Variants in FGF12 observed in about 807,000 individuals in gnomAD.
The protein encoded by FGF12 is fibroblast growth factor 12B.
FGF12 carries 14 observed loss-of-function variants against 23.6 expected under a neutral mutation model. The ratio of observed to expected loss-of-function variants is 0.59; its 90% confidence interval spans 0.39 to 0.93. The LOEUF is 0.93. Among genes scored for constraint, FGF12 ranks in the 40% least tolerant of loss-of-function variants. The pLI is 0.00. For synonymous variants in FGF12, 62 were observed against 77.3 expected (o/e 0.80, Z 1.04); for missense variants, 175 against 217.8 (o/e 0.80, Z 1.24).
chr3:192,393,621 GA>G (rs922391127), intron 2 of FGF12, among the ~76,000 whole-genome samples: 1 of 150,922 alleles, frequency 6.6e-6, no homozygotes, highest in African/African-American at 2.4e-5. Context: ...AAGAAAATGG[GA>G]AAAAAAAGAA....
chr3:192,586,196 G>A (rs1238685413), intron 2 of FGF12, among the ~76,000 whole-genome samples: 1 of 152,154 alleles, frequency 6.6e-6, no homozygotes, highest in Non-Finnish European at 1.5e-5. Flanking sequence ...ACAAGCATGG[G>A]TAACAAGCAG....
chr3:192,275,072 A>T (rs13321290), intron 4 of FGF12, among the ~76,000 whole-genome samples: 1 of 151,930 alleles, frequency 6.6e-6, no homozygotes, highest in Non-Finnish European at 1.5e-5. Flanking sequence ...TCTTTTGTTC[A>T]GTACCTGGCA....
rs1055211924 is a variant in FGF12 at position 192,675,562 on chromosome 3, A to G, written c.13+51619T>C. ...CCCTGTGTTCATTATCCACCATTTC[A>G]TCTGCTCCATTTTTGTAGCCTAAGA... On this transcript the variant is annotated intron_variant, in intron 2 of 5. Transcript: ENST00000445105. 9.2e-5 allele frequency among the ~76,000 whole-genome samples: 14 copies of G among 152,126 alleles called. 1 individual carries two copies. The highest frequency in any genetic ancestry group is 9.2e-4 in the Admixed American group (14 of 15,280).
At chr3:192,667,030 A>G (rs1257844791) in intron 2 of FGF12, among the ~76,000 whole-genome samples, 1 of 152,212 alleles carries the variant, frequency 6.6e-6, no homozygotes, top group Non-Finnish European at 1.5e-5. Flanking sequence ...GAAAAAAATC[A>G]TGATTCAACA....
At position 192,409,582 on chromosome 3, in the gene FGF12, G is replaced by A. The variant is rs998726591; in HGVS notation, c.14-49044C>T. On this transcript the variant is annotated intron_variant, in intron 2 of 5. Transcript: ENST00000445105. The surrounding 1 kb of genome is among the most constrained non-coding windows in gnomAD (Gnocchi z 4.8). ...CACTCAGTCCCGCGCCGCCCATCCC[G>A]GCCGAGGAAGGAAGTGACCCGCGCG... Among the ~76,000 whole-genome samples the A allele has an allele frequency of 1.3e-5, 2 of 151,960 alleles. No individual in the cohort carries two copies. Among genetic ancestry groups the A allele is most frequent in the African/African-American group, 4.8e-5 (2 of 41,364 alleles).
chr3:192,561,613 C>T (rs9835947), intron 2 of FGF12, among the ~76,000 whole-genome samples: 113,110 of 151,242 alleles, frequency 0.75, 42,973 homozygotes, highest in East Asian at 0.92. Context: ...CCGCCCGCCT[C>T]GGCCTCCCAA....
chr3:192,243,534 G>GA (rs11333066), intron 4 of FGF12, among the ~76,000 whole-genome samples: 3,348 of 143,018 alleles, frequency 0.023, 58 homozygotes, highest in Middle Eastern at 0.085. Flanking sequence ...CAGCTTTATG[G>GA]AAAAAAAAAA....
chr3:192,174,758 A>T (rs1373131087), intron 4 of FGF12, among the ~76,000 whole-genome samples: 1 of 151,536 alleles, frequency 6.6e-6, no homozygotes, highest in Non-Finnish European at 1.5e-5. Flanking sequence ...AAAAAAAAAA[A>T]TCAGGGTTTT....
intron 2 of FGF12, among the ~76,000 whole-genome samples, chr3:192,588,922 T>C (rs1713503582): frequency 6.6e-6 from 1 of 152,014 alleles, no homozygotes; most frequent in African/African-American, 2.4e-5. Flanking sequence ...TATGTATTTG[T>C]GACCACTTCT....
intron 4 of FGF12, among the ~76,000 whole-genome samples, chr3:192,184,034 G>A (rs532990564): frequency 5.9e-5 from 9 of 152,238 alleles, no homozygotes; most frequent in Non-Finnish European, 1.2e-4. Context: ...ACCAGCCTGG[G>A]TAACATGACA....
At chr3:192,628,414 A>G (rs1335850935) in intron 2 of FGF12, among the ~76,000 whole-genome samples, 1 of 149,850 alleles carries the variant, frequency 6.7e-6, no homozygotes, top group East Asian at 2.0e-4. Flanking sequence ...CAGAGAGGCT[A>G]TACAATTTTT....
intron 4 of FGF12, chr3:192,268,551 A>T (rs1220243983): frequency 1.4e-5 from 3 of 215,440 alleles, no homozygotes; most frequent in Admixed American, 1.4e-4. Context: ...CATCCCCTTG[A>T]TGATAAGTGA....
chr3:192,314,272 A>G (rs1387541609), intron 4 of FGF12, among the ~76,000 whole-genome samples: 1 of 148,922 alleles, frequency 6.7e-6, no homozygotes, highest in Non-Finnish European at 1.5e-5. Context: ...ATTGCTTAAA[A>G]TTAAAAATTA....
At chr3:192,618,330 C>G (rs962861076) in intron 2 of FGF12, among the ~76,000 whole-genome samples, 2 of 151,782 alleles carry the variant, frequency 1.3e-5, no homozygotes, top group African/African-American at 4.8e-5. Flanking sequence ...CAAACTGGTA[C>G]AGGTCTCTAA....
intron 2 of FGF12, among the ~76,000 whole-genome samples, chr3:192,462,445 C>T (rs548222222): frequency 1.6e-4 from 25 of 152,254 alleles, no homozygotes; most frequent in African/African-American, 6.0e-4. Flanking sequence ...GCCCCCTGGC[C>T]ATGTGATACC....
At chr3:192,569,333 G>C (rs1160758837) in intron 2 of FGF12, among the ~76,000 whole-genome samples, 2 of 152,202 alleles carry the variant, frequency 1.3e-5, no homozygotes, top group Non-Finnish European at 2.9e-5. Flanking sequence ...ATAGTCTGCT[G>C]TGGATTTGAG....
intron 4 of FGF12, among the ~76,000 whole-genome samples, chr3:192,210,180 G>A (rs952648857): frequency 9.2e-5 from 14 of 152,166 alleles, no homozygotes; most frequent in African/African-American, 3.4e-4. Flanking sequence ...CTAGACAGCG[G>A]CACAGAAAGA....
Position 192,322,099 on chromosome 3 carries a change from G to A in FGF12, c.228+13262C>T, listed in dbSNP as rs58947222. On this transcript the variant is annotated intron_variant, in intron 4 of 5. Coordinates refer to ENST00000445105, the MANE Select transcript of FGF12 (RefSeq NM_004113.6). The stretch of plus-strand genomic sequence containing the variant: ...GACAAAAAAAAACACACAACTCTTC[G>A]AGCTGATAAACAAATTCAGTTAAGT... 7.1e-3 allele frequency among the ~76,000 whole-genome samples: 1,079 copies of A among 151,874 alleles called. 5 individuals are homozygous for A. The highest frequency in any genetic ancestry group is 0.025 in the African/African-American group (1,028 of 41,438).
At position 192,454,034 on chromosome 3, in the gene FGF12, C is replaced by CT. The variant is rs1170594976; in HGVS notation, c.14-93497dup. ...AAAGATGTATATCTACATTTCTCTC[C>CT]TTTTTTTTTTGTTTTGTTTTTTGAG... On this transcript the variant is annotated intron_variant, in intron 2 of 5. Transcript: ENST00000445105. 9.5e-3 allele frequency among the ~76,000 whole-genome samples: 1,398 copies of CT among 147,322 alleles called. 19 individuals carry two copies. The highest frequency in any genetic ancestry group is 0.031 in the African/African-American group (1,247 of 40,326).
Sources: gnomAD v4.1 joint callset for allele counts (sites outside exome capture counted in the v4.1 genomes callset) on GRCh38, gnomAD v4.1.1 for gene constraint, Gnocchi (gnomAD v3.1) non-coding constraint, MANE v1.5 for transcripts, NCBI Gene and HGNC (gene_info 2026-07-23, HGNC 2026-07-21) for gene names.